Variants in LSAMP observed in about 807,000 individuals in gnomAD.
LSAMP encodes limbic system associated membrane protein, also known as limbic system-associated membrane protein.
Under a neutral mutation model 38.6 loss-of-function variants are expected in LSAMP, and 7 were observed. That is an observed-to-expected ratio of 0.18 (90% CI 0.10 to 0.34). The LOEUF (loss-of-function observed/expected upper bound fraction) is 0.34, where lower values mean the gene tolerates loss of function less well. Among genes scored for constraint, LSAMP ranks in the 10% least tolerant of loss-of-function variants. The pLI, the probability that LSAMP is intolerant of heterozygous loss-of-function variation, is 1.00. For missense variants in LSAMP, 313 were observed against 420.0 expected, an observed-to-expected ratio of 0.75 and a Z score of 2.23; for synonymous variants, 154 against 166.8, an observed-to-expected ratio of 0.92 and a Z score of 0.59.
At chr3:116,215,581 T>C (rs1306776917) in intron 1 of LSAMP, among the ~76,000 whole-genome samples, 1 of 152,200 alleles carries the variant, frequency 6.6e-6, no homozygotes, top group Non-Finnish European at 1.5e-5. Flanking sequence ...TGAACTTCTA[T>C]TGCATTTCAG....
intron 1 of LSAMP, among the ~76,000 whole-genome samples, chr3:116,343,672 T>C (rs1047947563): frequency 1.3e-5 from 2 of 152,088 alleles, no homozygotes; most frequent in Admixed American, 6.6e-5. Flanking sequence ...TGATTATTAA[T>C]GGCTAAACAT....
chr3:116,040,935 T>G (rs1028920679), intron 2 of LSAMP, among the ~76,000 whole-genome samples: 5 of 152,106 alleles, frequency 3.3e-5, no homozygotes, highest in African/African-American at 1.2e-4. Context: ...ATTTATTTAC[T>G]TTTTTGGAGA....
intron 1 of LSAMP, among the ~76,000 whole-genome samples, chr3:116,122,067 C>T (rs1708888989): frequency 6.6e-6 from 1 of 151,456 alleles, no homozygotes; most frequent in South Asian, 2.1e-4. Flanking sequence ...TATGACTGCG[C>T]AAAAATAAAA....
At chr3:115,948,014 A>G (rs112182088) in intron 3 of LSAMP, among the ~76,000 whole-genome samples, 12,178 of 152,288 alleles carry the variant, frequency 0.08, 559 homozygotes, top group Non-Finnish European at 0.099. Flanking sequence ...TGATTGAGCT[A>G]TGCAGAAAGG....
intron 1 of LSAMP, among the ~76,000 whole-genome samples, chr3:116,308,662 G>T (rs567606368): frequency 9.9e-5 from 15 of 152,024 alleles, no homozygotes; most frequent in African/African-American, 3.4e-4. Flanking sequence ...CATAATACAT[G>T]TCCTAACAAC....
rs116154804 is a variant in LSAMP at position 116,354,466 on chromosome 3, G to T, written c.155+90411C>A. Among the ~76,000 whole-genome samples, 1,298 of 152,296 alleles carry T rather than the reference G, an allele frequency of 8.5e-3. 11 individuals are homozygous for T. Among genetic ancestry groups the T allele is most frequent in the Non-Finnish European group, 0.015 (993 of 68,012 alleles). On this transcript the variant is annotated intron_variant, in intron 1 of 6. Coordinates refer to ENST00000490035, the MANE Select transcript of LSAMP (RefSeq NM_002338.5). The stretch of plus-strand genomic sequence containing the variant: ...ATTACCAAAACATTGTTGTGAGTTA[G>T]TCTTTGTTGAATTTGCAGAATCATA...
chr3:115,975,026 G>A (rs1180384767), intron 3 of LSAMP, among the ~76,000 whole-genome samples: 1 of 152,148 alleles, frequency 6.6e-6, no homozygotes, highest in Non-Finnish European at 1.5e-5. Context: ...CTATGTTGGA[G>A]GTTTACAATG....
chr3:115,928,115 C>A (rs1179739194), intron 3 of LSAMP, among the ~76,000 whole-genome samples: 2 of 151,970 alleles, frequency 1.3e-5, no homozygotes, highest in African/African-American at 4.8e-5. Context: ...TGCTGAATAA[C>A]AAAATGAATA....
intron 4 of LSAMP, among the ~76,000 whole-genome samples, chr3:115,845,398 T>C (rs1935120884): frequency 6.6e-6 from 1 of 152,202 alleles, no homozygotes; most frequent in African/African-American, 2.4e-5. Context: ...GCCACATGGT[T>C]ATAACTGCCA....
At chr3:116,324,432 C>T (rs1454929598) in intron 1 of LSAMP, among the ~76,000 whole-genome samples, 2 of 152,168 alleles carry the variant, frequency 1.3e-5, no homozygotes, top group African/African-American at 4.8e-5. Context: ...TGAGGATCTA[C>T]TTCTGAAAGC....
intron 1 of LSAMP, among the ~76,000 whole-genome samples, chr3:116,346,671 C>T (rs945411332): frequency 6.6e-6 from 1 of 152,120 alleles, no homozygotes; most frequent in East Asian, 1.9e-4. Flanking sequence ...CCTTGTCTAA[C>T]ACCTTCATTT....
At chr3:116,283,832 C>A (rs2047159856) in intron 1 of LSAMP, among the ~76,000 whole-genome samples, 1 of 151,906 alleles carries the variant, frequency 6.6e-6, no homozygotes, top group Admixed American at 6.6e-5. Context: ...ATGGCAAAAC[C>A]CCATTTCTAC....
At chr3:115,944,940 T>A (rs8179922) in intron 3 of LSAMP, among the ~76,000 whole-genome samples, 144,641 of 152,182 alleles carry the variant, frequency 0.95, 69,131 homozygotes, top group East Asian at 1. Flanking sequence ...TTCCTTCCCC[T>A]TATCTGTCTA....
chr3:116,417,831 G>A (rs74472709), intron 1 of LSAMP, among the ~76,000 whole-genome samples: 23,280 of 151,952 alleles, frequency 0.15, 2,992 homozygotes, highest in African/African-American at 0.36. Context: ...TCAGTAAAAA[G>A]TATTTTGCTG....
At chr3:115,814,576 C>T (rs1933948143) in intron 6 of LSAMP, among the ~76,000 whole-genome samples, 2 of 152,132 alleles carry the variant, frequency 1.3e-5, no homozygotes, top group African/African-American at 4.8e-5. Context: ...TTCTGTTGCT[C>T]CTCCTAGGAG....
Position 115,939,700 on chromosome 3 carries a change from A to G in LSAMP, c.514+79815T>C, listed in dbSNP as rs115320677. Among the ~76,000 whole-genome samples, 471 of 152,052 alleles carry G rather than the reference A, an allele frequency of 3.1e-3. 3 individuals are homozygous for G. The highest frequency in any genetic ancestry group is 0.011 in the African/African-American group (438 of 41,488). ...CTCCCAAGTATCTGAAACTATAGGC[A>G]CACACTATTATACTTGATTAATTAT... On this transcript the variant is annotated intron_variant, in intron 3 of 6. Coordinates refer to ENST00000490035, the MANE Select transcript of LSAMP (RefSeq NM_002338.5).
intron 3 of LSAMP, among the ~76,000 whole-genome samples, chr3:115,941,892 T>C (rs1253070614): frequency 6.6e-6 from 1 of 152,022 alleles, no homozygotes; most frequent in Non-Finnish European, 1.5e-5. Context: ...TGGTGATAGA[T>C]ATGTTAATTA....
chr3:116,171,577 G>GCC (rs1355941883), intron 1 of LSAMP, among the ~76,000 whole-genome samples: 1 of 151,970 alleles, frequency 6.6e-6, no homozygotes, highest in African/African-American at 2.4e-5. Context: ...ATTTTTGCCA[G>GCC]CAAGTATTTG....
rs1933536915 is a variant in LSAMP, at chr3:115,802,518, T to C, written c.*7799A>G. On this transcript the variant is annotated 3_prime_UTR_variant, in exon 7 of 7. Coordinates refer to ENST00000490035, the MANE Select transcript of LSAMP (RefSeq NM_002338.5). ...AAAGAAAAAAAGCTTTTTTTCATTTTAATTTTAATTTTTTTTTTTTAACAC... is the reference window on the plus strand; with the variant it reads ...AAAGAAAAAAAGCTTTTTTTCATTTCAATTTTAATTTTTTTTTTTTAACAC... 1 of 137,094 alleles carries C rather than the reference T, an allele frequency of 7.3e-6. No homozygotes were observed. Among genetic ancestry groups the C allele is most frequent in the African/African-American group, 3.0e-5 (1 of 33,094 alleles). 8.5% of individuals were successfully genotyped at this position (137,094 alleles called of 1,614,324 possible).
Sources: gnomAD v4.1 joint callset for allele counts (sites outside exome capture counted in the v4.1 genomes callset) on GRCh38, gnomAD v4.1.1 for gene constraint, MANE v1.5 for transcripts, NCBI Gene and HGNC (gene_info 2026-07-23, HGNC 2026-07-21) for gene names.